Variants in GALNT13 observed in about 807,000 individuals in gnomAD.
GALNT13 encodes the protein polypeptide N-acetylgalactosaminyltransferase 13.
In GALNT13, 28 loss-of-function variants were observed where a neutral mutation model predicts 64.2. That is an observed-to-expected ratio of 0.44 (90% CI 0.32 to 0.60). GALNT13 has a LOEUF of 0.60. Among genes scored for constraint, GALNT13 ranks in the 20% least tolerant of loss-of-function variants. The pLI is 0.05. For synonymous variants in GALNT13, 214 were observed against 224.6 expected (o/e 0.95, Z 0.42); for missense variants, 577 against 669.8 (o/e 0.86, Z 1.53).
the GALNT13 span, among the ~76,000 whole-genome samples, chr2:153,768,170 T>G: frequency 6.6e-6 from 1 of 152,240 alleles, no homozygotes; most frequent in Non-Finnish European, 1.5e-5. Context: ...GTTATAATTT[T>G]GAGTTTTCTG....
chr2:153,633,738 A>G, the GALNT13 span, among the ~76,000 whole-genome samples: 8 of 152,110 alleles, frequency 5.3e-5, no homozygotes, highest in Non-Finnish European at 1.0e-4. Flanking sequence ...AGAATTCCCC[A>G]ATCTTTGGAA....
the GALNT13 span, among the ~76,000 whole-genome samples, chr2:153,251,386 TGTC>T: frequency 2.0e-5 from 3 of 152,232 alleles, no homozygotes; most frequent in Admixed American, 6.5e-5. Flanking sequence ...CATAGACAAT[TGTC>T]GTCTTGTTTT....
intron 9 of GALNT13, among the ~76,000 whole-genome samples, chr2:154,339,112 A>G (rs1695613558): frequency 6.6e-6 from 1 of 152,168 alleles, no homozygotes; most frequent in Non-Finnish European, 1.5e-5. Context: ...GCATTCAATC[A>G]TGGGCAAAAT....
intron 3 of GALNT13, among the ~76,000 whole-genome samples, chr2:154,057,068 C>T (rs183408362): frequency 1.3e-5 from 2 of 151,978 alleles, no homozygotes; most frequent in East Asian, 1.9e-4. Flanking sequence ...CTTGCTCTGT[C>T]GCCCAGGCTG....
intron 3 of GALNT13, among the ~76,000 whole-genome samples, chr2:154,098,541 C>A (rs1007823153): frequency 6.6e-6 from 1 of 151,800 alleles, no homozygotes; most frequent in Non-Finnish European, 1.5e-5. Flanking sequence ...TCTAGTGTAC[C>A]CATCTACAAT....
At chr2:153,923,254 G>C (rs1689876155) in intron 2 of GALNT13, among the ~76,000 whole-genome samples, 1 of 152,258 alleles carries the variant, frequency 6.6e-6, no homozygotes, top group South Asian at 2.1e-4. Flanking sequence ...GTATGTATTA[G>C]TTAATAGCTT....
intron 8 of GALNT13, among the ~76,000 whole-genome samples, chr2:154,265,790 A>G (rs1690962852): frequency 6.6e-6 from 1 of 152,238 alleles, no homozygotes; most frequent in South Asian, 2.1e-4. Flanking sequence ...CACAGATACC[A>G]AAACTTGACA....
chr2:153,081,616 A>G, the GALNT13 span, among the ~76,000 whole-genome samples: 4 of 152,094 alleles, frequency 2.6e-5, no homozygotes, highest in African/African-American at 9.7e-5. Flanking sequence ...AAAGCATCCA[A>G]TGTTTGTCTT....
chr2:153,375,233 T>C, the GALNT13 span, among the ~76,000 whole-genome samples: 3,586 of 152,328 alleles, frequency 0.024, 139 homozygotes, highest in African/African-American at 0.08. Flanking sequence ...GTATAACTTA[T>C]ATTTTTCCTA....
Position 153,927,148 on chromosome 2 carries a change from C to T in GALNT13, c.-104-17246C>T, listed in dbSNP as rs376318593. 5.9e-5 allele frequency among the ~76,000 whole-genome samples: 9 copies of T among 152,074 alleles called. No individual in the cohort carries two copies. In the South Asian group the frequency reaches 1.9e-3, roughly 31 times the overall value. On this transcript the variant is annotated intron_variant, in intron 2 of 12. Transcript: ENST00000392825. Reference sequence around the variant, plus strand: ...ATTTTTAAGAAAATGGGTCAAAAATCTTATTTTTAATAAACGCTATTTCTT... The same window carrying T: ...ATTTTTAAGAAAATGGGTCAAAAATTTTATTTTTAATAAACGCTATTTCTT...
the GALNT13 span, among the ~76,000 whole-genome samples, chr2:153,335,809 C>A: frequency 1.0e-3 from 155 of 152,280 alleles, 2 homozygotes; most frequent in South Asian, 7.5e-3. Flanking sequence ...CAGGGCATAT[C>A]AGAGAACTTC....
At chr2:154,084,033 A>G (rs552808137) in intron 3 of GALNT13, among the ~76,000 whole-genome samples, 13 of 151,998 alleles carry the variant, frequency 8.6e-5, no homozygotes, top group African/African-American at 2.9e-4. Flanking sequence ...GTATCCACAT[A>G]GGCTACCTCT....
chr2:153,560,578 T>A, the GALNT13 span, among the ~76,000 whole-genome samples: 1 of 152,092 alleles, frequency 6.6e-6, no homozygotes, highest in Non-Finnish European at 1.5e-5. Context: ...TGATATAATT[T>A]ATTAAAGATT....
the GALNT13 span, among the ~76,000 whole-genome samples, chr2:153,513,205 T>C: frequency 1.3e-5 from 2 of 152,224 alleles, no homozygotes; most frequent in Non-Finnish European, 2.9e-5. Context: ...ATATTTCTCG[T>C]AGACAACTTA....
chr2:153,332,481 G>T, the GALNT13 span, among the ~76,000 whole-genome samples: 1 of 149,544 alleles, frequency 6.7e-6, no homozygotes, highest in Admixed American at 6.6e-5. Flanking sequence ...TTGTTTATGG[G>T]GTTATTCTTG....
chr2:154,159,880 T>C (rs1684634123), intron 4 of GALNT13, among the ~76,000 whole-genome samples: 1 of 152,212 alleles, frequency 6.6e-6, no homozygotes, highest in Admixed American at 6.5e-5. Flanking sequence ...ATAGCTTCCA[T>C]TTATTGAGCA....
At chr2:153,646,304 T>C in the GALNT13 span, among the ~76,000 whole-genome samples, 1 of 151,924 alleles carries the variant, frequency 6.6e-6, no homozygotes, top group South Asian at 2.1e-4. Context: ...ACTAAGATTA[T>C]AGTTTTAAGA....
the GALNT13 span, among the ~76,000 whole-genome samples, chr2:153,706,171 AT>A: frequency 1.3e-5 from 2 of 151,862 alleles, no homozygotes. Flanking sequence ...TAATTTTTGT[AT>A]TTTTAGTAGA....
chr2:154,283,254 C>A (rs1030450479), intron 8 of GALNT13, among the ~76,000 whole-genome samples: 2 of 151,878 alleles, frequency 1.3e-5, no homozygotes, highest in Admixed American at 1.3e-4. Context: ...GAATATGGAA[C>A]AAAATATTTT....
Sources: gnomAD v4.1 joint callset for allele counts (sites outside exome capture counted in the v4.1 genomes callset) on GRCh38, gnomAD v4.1.1 for gene constraint, MANE v1.5 for transcripts, NCBI Gene and HGNC (gene_info 2026-07-23, HGNC 2026-07-21) for gene names.